The following ATP8A2 variants were observed in gnomAD, a reference collection of about 807,000 sequenced individuals.
ATP8A2 encodes the protein phospholipid-transporting ATPase IB.
Under a neutral mutation model 165.6 loss-of-function variants are expected in ATP8A2, and 100 were observed. The observed-to-expected ratio is 0.60, with a 90% CI of 0.51 to 0.71. ATP8A2 has a LOEUF of 0.71. ATP8A2 is among the 30% of genes least tolerant of loss of function. ATP8A2 has a pLI of 0.00. For missense variants in ATP8A2, 1,227 were observed against 1,479.5 expected, an observed-to-expected ratio of 0.83 and a Z score of 2.80; for synonymous variants, 543 against 548.8, an observed-to-expected ratio of 0.99 and a Z score of 0.15.
At chr13:25,926,217 G>A (rs1405728259) in intron 33 of ATP8A2, among the ~76,000 whole-genome samples, 1 of 152,086 alleles carries the variant, frequency 6.6e-6, no homozygotes, top group Non-Finnish European at 1.5e-5. Flanking sequence ...TGTACTCTGT[G>A]CTCCACCATG....
At position 25,487,810 on chromosome 13, in the gene ATP8A2, G is replaced by A. The variant is rs373875077; in HGVS notation, c.221+18689G>A. On this transcript the variant is annotated intron_variant, in intron 2 of 36. Transcript: ENST00000381655. The stretch of plus-strand genomic sequence containing the variant: ...AACTTTAAATTATTAAACATGTAAT[G>A]GAAAAAACATGCAGTGTAATCTTTC... 5.9e-5 allele frequency among the ~76,000 whole-genome samples: 9 copies of A among 151,954 alleles called. No individual in the cohort carries two copies. The East Asian group carries it at 1.7e-3, about 29-fold the overall frequency.
intron 35 of ATP8A2, among the ~76,000 whole-genome samples, chr13:25,988,532 T>C (rs921275682): frequency 1.7e-5 from 2 of 118,754 alleles, no homozygotes; most frequent in East Asian, 4.2e-4. Flanking sequence ...ACCCAGGACT[T>C]AATTGCTAAT....
At chr13:25,514,372 CT>C (rs2037396918) in intron 2 of ATP8A2, among the ~76,000 whole-genome samples, 1 of 152,140 alleles carries the variant, frequency 6.6e-6, no homozygotes, top group African/African-American at 2.4e-5. Flanking sequence ...CATTTAAAAT[CT>C]CTTTTTTGTG....
chr13:25,888,607 T>A (rs9511970), intron 33 of ATP8A2, among the ~76,000 whole-genome samples: 18,116 of 152,234 alleles, frequency 0.12, 1,455 homozygotes, highest in Non-Finnish European at 0.18. Context: ...ACACCTGTAA[T>A]CCCAGCATTT....
At chr13:25,700,274 A>G (rs2042923885) in intron 25 of ATP8A2, among the ~76,000 whole-genome samples, 1 of 152,198 alleles carries the variant, frequency 6.6e-6, no homozygotes, top group East Asian at 1.9e-4. Flanking sequence ...TTGTGATACA[A>G]TTCACATACC....
intron 1 of ATP8A2, among the ~76,000 whole-genome samples, chr13:25,443,285 C>A (rs1449963794): frequency 1.3e-5 from 2 of 152,158 alleles, no homozygotes; most frequent in Non-Finnish European, 2.9e-5. Context: ...ATGGAATTTT[C>A]TATTTACTTT....
At position 26,020,926 on chromosome 13, in the gene ATP8A2, C is replaced by T. The variant is rs1381722922; in HGVS notation, c.*941C>T. ...CACAGGTCAGAGTGGTGGTAGAACCCCTTCAGGACTCCCAGCCGTGGTCAG... is the reference window on the plus strand; with the variant it reads ...CACAGGTCAGAGTGGTGGTAGAACCTCTTCAGGACTCCCAGCCGTGGTCAG... On this transcript the variant is annotated 3_prime_UTR_variant, in exon 37 of 37. Transcript: ENST00000381655. 1.3e-5 allele frequency: 2 copies of T among 152,324 alleles called. No homozygotes were observed. Among genetic ancestry groups the T allele is most frequent in the African/African-American group, 4.8e-5 (2 of 41,476 alleles). 9.4% of individuals were successfully genotyped at this position (152,324 alleles called of 1,614,324 possible).
chr13:25,567,486 T>C (rs2039350018), intron 16 of ATP8A2: 1 of 437,462 alleles, frequency 2.3e-6, no homozygotes. Context: ...GGGAAAGCCA[T>C]TGAGAGTAGG....
intron 33 of ATP8A2, among the ~76,000 whole-genome samples, chr13:25,894,949 T>C (rs531491165): frequency 1.3e-5 from 2 of 152,082 alleles, no homozygotes; most frequent in African/African-American, 4.8e-5. Context: ...GACAATGGGG[T>C]TTTCTAGATA....
rs374730469 is a variant in ATP8A2 at position 25,513,730 on chromosome 13, G to A, written c.222-16269G>A. Among the ~76,000 whole-genome samples the A allele has an allele frequency of 7.6e-3, 1,152 of 152,286 alleles. 14 individuals are homozygous for A. Among genetic ancestry groups the A allele is most frequent in the African/African-American group, 0.025 (1,036 of 41,578 alleles). ...GGCACCTCGGGAGGCCGAGGCTGGC[G>A]GATCACTCGCGGTTAGGAGCTGGAG... On this transcript the variant is annotated intron_variant, in intron 2 of 36. Coordinates refer to ENST00000381655, the MANE Select transcript of ATP8A2 (RefSeq NM_016529.6).
At chr13:25,435,064 G>C (rs574758847) in intron 1 of ATP8A2, among the ~76,000 whole-genome samples, 1 of 151,914 alleles carries the variant, frequency 6.6e-6, no homozygotes, top group Non-Finnish European at 1.5e-5. Context: ...ATCTGCTGGA[G>C]ACTGATAGAA....
rs866338569 is a variant in ATP8A2 at position 25,974,260 on chromosome 13, G to A, written c.3377+5581G>A. Among the ~76,000 whole-genome samples the A allele has an allele frequency of 4.5e-4, 69 of 152,276 alleles. No homozygotes were observed. The Middle Eastern group carries it at 0.01, about 23-fold the overall frequency. Reference sequence around the variant, plus strand: ...TAGCCTATGTAGATGTTCAGGAAGCGTCCCCTAACTGAAAAGCTGCATAAC... The same window carrying A: ...TAGCCTATGTAGATGTTCAGGAAGCATCCCCTAACTGAAAAGCTGCATAAC... On this transcript the variant is annotated intron_variant, in intron 35 of 36. Coordinates refer to ENST00000381655, the MANE Select transcript of ATP8A2 (RefSeq NM_016529.6).
Position 25,481,172 on chromosome 13 carries a change from G to A in ATP8A2, c.221+12051G>A, listed in dbSNP as rs528805978. The stretch of plus-strand genomic sequence containing the variant: ...AAAGAGAGGGAGAGGGAGACCGTGG[G>A]GAGAGGGAGAGGGAGAGGGACAGGG... On this transcript the variant is annotated intron_variant, in intron 2 of 36. Coordinates refer to ENST00000381655, the MANE Select transcript of ATP8A2 (RefSeq NM_016529.6). Among the ~76,000 whole-genome samples, 236 of 146,292 alleles carry A rather than the reference G, an allele frequency of 1.6e-3. 3 individuals are homozygous for A. Among genetic ancestry groups the A allele is most frequent in the African/African-American group, 6.2e-3 (232 of 37,346 alleles).
chr13:25,460,688 G>A (rs1353436285), intron 1 of ATP8A2, among the ~76,000 whole-genome samples: 1 of 152,142 alleles, frequency 6.6e-6, no homozygotes, highest in African/African-American at 2.4e-5. Context: ...TCAAATTACA[G>A]TGGCTCAACT....
chr13:26,001,145 G>A (rs1956624485), intron 35 of ATP8A2, among the ~76,000 whole-genome samples: 1 of 152,200 alleles, frequency 6.6e-6, no homozygotes, highest in South Asian at 2.1e-4. Flanking sequence ...CACAGCCTTT[G>A]AGGTTGGGCT....
chr13:25,562,398 C>T lies in ATP8A2; in HGVS notation c.1398-1558C>T, dbSNP rs549322039. Among the ~76,000 whole-genome samples, 20 of 152,188 alleles carry T rather than the reference C, an allele frequency of 1.3e-4. No homozygotes were observed. The South Asian group carries it at 2.5e-3, about 19-fold the overall frequency. On this transcript the variant is annotated intron_variant, in intron 15 of 36. Transcript: ENST00000381655. The stretch of plus-strand genomic sequence containing the variant: ...TAAATGGTGATGCTGTCTGTCTGCA[C>T]GTGTTTTAAAGCTTATACACAAGAA...
intron 2 of ATP8A2, among the ~76,000 whole-genome samples, chr13:25,482,950 G>T (rs1049910444): frequency 6.6e-6 from 1 of 152,164 alleles, no homozygotes; most frequent in African/African-American, 2.4e-5. Flanking sequence ...CATCAGCAGC[G>T]TGAAAACGGA....
chr13:25,637,456 A>G (rs1336382669), intron 24 of ATP8A2, among the ~76,000 whole-genome samples: 1 of 152,144 alleles, frequency 6.6e-6, no homozygotes, highest in Non-Finnish European at 1.5e-5. Flanking sequence ...ACACAAGGAG[A>G]TTATATCCCA....
At chr13:25,589,747 A>G (rs538774574) in intron 24 of ATP8A2, 48 bp downstream of exon 24, 1 of 1,188,206 alleles carries the variant, frequency 8.4e-7, no homozygotes, top group South Asian at 1.3e-5. Context: ...ACAGTATTAA[A>G]CTCTTTCTTT....
Sources: allele counts gnomAD v4.1 joint callset (sites outside exome capture counted in the v4.1 genomes callset), GRCh38; gene constraint gnomAD v4.1.1; transcripts MANE v1.5; gene names NCBI Gene and HGNC (gene_info 2026-07-23, HGNC 2026-07-21).